CACNA1A: variants seen among roughly 807,000 people sequenced by gnomAD.
The protein encoded by CACNA1A is voltage-dependent P/Q-type calcium channel subunit alpha-1A.
In CACNA1A, 57 loss-of-function variants were observed where a neutral mutation model predicts 262.4. The ratio of observed to expected loss-of-function variants is 0.22; its 90% CI spans 0.18 to 0.27. The LOEUF is 0.27. CACNA1A is among the 10% of genes least tolerant of loss of function. The pLI, the probability that CACNA1A is intolerant of heterozygous loss-of-function variation, is 1.00. For synonymous variants in CACNA1A, 1,431 were observed against 1,419.3 expected, an observed-to-expected ratio of 1.01 and a Z score of -0.18; for missense variants, 2,526 against 3,562.8, an observed-to-expected ratio of 0.71 and a Z score of 7.41.
chr19:13,370,187 G>GC (rs1568579384), intron 4 of CACNA1A, among the ~76,000 whole-genome samples: 1 of 148,352 alleles, frequency 6.7e-6, no homozygotes, highest in African/African-American at 2.5e-5. Flanking sequence ...TGCAACCTCC[G>GC]CCCCCCGGGT....
rs1272695079 is a variant in CACNA1A at position 13,414,979 on chromosome 19, AAAC to A, written c.539+37894_539+37896del. 6.6e-5 allele frequency among the ~76,000 whole-genome samples: 10 copies of A among 152,120 alleles called. No individual in the cohort carries two copies. The South Asian group carries it at 8.3e-4, about 13-fold the overall frequency. On this transcript the variant is annotated intron_variant, in intron 3 of 46. Transcript: ENST00000360228. ...TCCTGTCTCAAAACAAAAGCAAAAC[AAAC>A]AACAACAACAACAGAAGAGAAGTTC...
At chr19:13,419,889 C>T (rs2060287768) in intron 3 of CACNA1A, among the ~76,000 whole-genome samples, 1 of 151,884 alleles carries the variant, frequency 6.6e-6, no homozygotes, top group Admixed American at 6.6e-5. Context: ...AGTTCGAGAC[C>T]AGCCTGGCCA....
intron 3 of CACNA1A, among the ~76,000 whole-genome samples, chr19:13,416,435 A>G (rs2060223360): frequency 6.6e-6 from 1 of 152,136 alleles, no homozygotes; most frequent in Non-Finnish European, 1.5e-5. Context: ...TAATCCTAGC[A>G]CTTCGGGAGG....
rs187173731 is a variant in CACNA1A, at chr19:13,453,300, G to A, written c.400-285C>T. On this transcript the variant is annotated intron_variant, in intron 2 of 46. Coordinates refer to ENST00000360228, the MANE Select transcript of CACNA1A (RefSeq NM_001127222.2). ...TGTTTGCACCTGTCTTATTCAATAC[G>A]ACAGTCACAGGCCACATGTGGCTAT... is the stretch of plus-strand genomic sequence containing the variant. Among the ~76,000 whole-genome samples, 12 of 152,226 alleles carry A rather than the reference G, an allele frequency of 7.9e-5. No individual in the cohort carries two copies. In the East Asian group the frequency reaches 2.1e-3, roughly 27 times the overall value.
intron 19 of CACNA1A, among the ~76,000 whole-genome samples, chr19:13,290,908 C>A (rs2057522095): frequency 6.6e-6 from 1 of 152,122 alleles, no homozygotes; most frequent in Admixed American, 6.6e-5. Flanking sequence ...TACCATCTAC[C>A]AAGAGCAGAT....
chr19:13,422,138 T>C (rs1390604275), intron 3 of CACNA1A, among the ~76,000 whole-genome samples: 6 of 151,686 alleles, frequency 4.0e-5, no homozygotes, highest in African/African-American at 7.3e-5. Flanking sequence ...CTGGGAAACA[T>C]AGTGAGAACC....
chr19:13,420,958 C>T (rs1484946766), intron 3 of CACNA1A, among the ~76,000 whole-genome samples: 1 of 152,208 alleles, frequency 6.6e-6, no homozygotes, highest in African/African-American at 2.4e-5. Context: ...CCCAACAAAA[C>T]TACATTTCCC....
At position 13,293,204 on chromosome 19, in the gene CACNA1A, TTAA is replaced by T. The variant is rs1471555993; in HGVS notation, c.3089+5337_3089+5339del. On this transcript the variant is annotated intron_variant, in intron 19 of 46. Coordinates refer to ENST00000360228, the MANE Select transcript of CACNA1A (RefSeq NM_001127222.2). ...GCTAAAAATAGCATTCATTGAGTAC[TTAA>T]TAATATTCATATTAATAATAGCTAA... 4.6e-5 allele frequency among the ~76,000 whole-genome samples: 7 copies of T among 152,130 alleles called. No individual in the cohort carries two copies. In the East Asian group the frequency reaches 1.3e-3, roughly 29 times the overall value.
intron 1 of CACNA1A, among the ~76,000 whole-genome samples, chr19:13,504,413 T>C (rs774630256): frequency 6.6e-6 from 1 of 152,016 alleles, no homozygotes; most frequent in Non-Finnish European, 1.5e-5. Flanking sequence ...ACCCTCAAAG[T>C]AGACCACTCA....
In CACNA1A at chr19:13,207,150, A is replaced by G; in HGVS notation, c.*163T>C. 2.7e-6 allele frequency: 2 copies of G among 745,844 alleles called. No homozygotes were observed. Among genetic ancestry groups the G allele is most frequent in the African/African-American group, 1.9e-5 (1 of 52,028 alleles). 46.2% of individuals were successfully genotyped at this position (745,844 alleles called of 1,614,324 possible). On this transcript the variant is annotated 3_prime_UTR_variant, in exon 47 of 47. Transcript: ENST00000360228. This position sits in a 1 kb window ranked among gnomAD's most constrained non-coding sequence, Gnocchi z 5.7. ...TCTTTTGGCCGAGGGTCTCTGCGGG[A>G]CACCCTTGTGGCCCAGCCCTGGCCT...
chr19:13,374,434 G>A (rs900325934), intron 3 of CACNA1A, among the ~76,000 whole-genome samples: 2 of 152,030 alleles, frequency 1.3e-5, no homozygotes, highest in Non-Finnish European at 1.5e-5. Flanking sequence ...TTTTTTTGTA[G>A]AGATGGGGTC....
At chr19:13,446,357 T>C (rs1001523177) in intron 3 of CACNA1A, among the ~76,000 whole-genome samples, 5 of 151,728 alleles carry the variant, frequency 3.3e-5, no homozygotes, top group Non-Finnish European at 5.9e-5. Context: ...TAGAATTAAG[T>C]GTCTACTGTG....
intron 3 of CACNA1A, among the ~76,000 whole-genome samples, chr19:13,448,015 A>G (rs1907363114): frequency 6.6e-6 from 1 of 151,968 alleles, no homozygotes; most frequent in Non-Finnish European, 1.5e-5. Context: ...TTGATGCTCA[A>G]TATTAACCAT....
intron 25 of CACNA1A, chr19:13,261,824 C>T: frequency 1.9e-6 from 1 of 536,064 alleles, no homozygotes; most frequent in Non-Finnish European, 3.3e-6. Context: ...CTAAAACTCC[C>T]AGATGGGATA....
At chr19:13,266,067 C>T (rs1018463398) in intron 24 of CACNA1A, among the ~76,000 whole-genome samples, 3 of 152,152 alleles carry the variant, frequency 2.0e-5, no homozygotes, top group Non-Finnish European at 4.4e-5. Flanking sequence ...TGGTCTCGAA[C>T]TCCCGACCTC....
intron 35 of CACNA1A, 84 bp from the exon 36 acceptor site, chr19:13,230,293 G>A: frequency 1.4e-6 from 2 of 1,479,414 alleles, no homozygotes; most frequent in Non-Finnish European, 1.9e-6. Flanking sequence ...CAGACAGACA[G>A]ACGGACAGAC....
At chr19:13,340,288 T>C (rs10408012) in intron 6 of CACNA1A, among the ~76,000 whole-genome samples, 118,991 of 152,006 alleles carry the variant, frequency 0.78, 46,829 homozygotes, top group East Asian at 1. Flanking sequence ...CCACAGGACA[T>C]GCTACCCAGC....
intron 6 of CACNA1A, among the ~76,000 whole-genome samples, chr19:13,348,673 T>G (rs974353757): frequency 1.3e-5 from 2 of 152,034 alleles, no homozygotes; most frequent in Non-Finnish European, 2.9e-5. Flanking sequence ...CCGTCTTTAC[T>G]AAAATACAAA....
intron 38 of CACNA1A, among the ~76,000 whole-genome samples, chr19:13,215,764 G>A (rs1029801772): frequency 6.6e-6 from 1 of 151,842 alleles, no homozygotes; most frequent in African/African-American, 2.4e-5. Flanking sequence ...CTACAGGCAC[G>A]CACCACCATG....
Sources: allele counts gnomAD v4.1 joint callset (sites outside exome capture counted in the v4.1 genomes callset), GRCh38; gene constraint gnomAD v4.1.1; non-coding constraint Gnocchi (gnomAD v3.1); transcripts MANE v1.5; gene names NCBI Gene and HGNC (gene_info 2026-07-23, HGNC 2026-07-21).